MRC2: variants seen among roughly 807,000 people sequenced by gnomAD.
MRC2 encodes the protein mannose receptor C-type 2.
Under a neutral mutation model 206.2 loss-of-function variants are expected in MRC2, and 84 were observed. That is an observed-to-expected ratio of 0.41 (90% CI 0.34 to 0.49). The LOEUF (loss-of-function observed/expected upper bound fraction) is 0.49. MRC2 is among the 20% of genes least tolerant of loss of function. MRC2 has a pLI of 0.31. For missense variants in MRC2, 1,676 were observed against 2,001.5 expected, an observed-to-expected ratio of 0.84 and a Z score of 3.10; for synonymous variants, 798 against 800.0, an observed-to-expected ratio of 1.00 and a Z score of 0.04.
chr17:62,690,490 A>T lies in MRC2; in HGVS notation c.3893-152A>T, dbSNP rs1047943962. 4.5e-6 allele frequency: 6 copies of T among 1,347,324 alleles called. No homozygotes were observed. In the African/African-American group the frequency reaches 8.8e-5, roughly 20 times the overall value. 83.5% of individuals were successfully genotyped at this position (1,347,324 alleles called of 1,614,324 possible). On this transcript the variant is annotated intron_variant, in intron 26 of 29. Transcript: ENST00000303375. ...ATATGTGCATATGCTGCCCCCCCAC[A>T]CACTTGCACATGTGCACACACACAC...
intron 1 of MRC2, among the ~76,000 whole-genome samples, chr17:62,647,731 G>A (rs574422390): frequency 6.6e-6 from 1 of 152,230 alleles, no homozygotes; most frequent in South Asian, 2.1e-4. Context: ...ATGAATTCTG[G>A]GGTGAAAGTT....
In MRC2 at chr17:62,652,395, C is replaced by T. The variant is rs2088566100; in HGVS notation, c.119-12153C>T. 6.6e-6 allele frequency among the ~76,000 whole-genome samples: 1 copy of T among 152,256 alleles called. No homozygotes were observed. Among genetic ancestry groups the T allele is most frequent in the Non-Finnish European group, 1.5e-5 (1 of 68,050 alleles). ...CGGCGATGGGGTCCCCGCGAGGGCA[C>T]AAGTGATCGCGTGGCCACGGCGAGG... On this transcript the variant is annotated intron_variant, in intron 1 of 29. Coordinates refer to ENST00000303375, the MANE Select transcript of MRC2 (RefSeq NM_006039.5). The surrounding 1 kb of genome is among the most constrained non-coding windows in gnomAD (Gnocchi z 4.6).
Position 62,675,808 on chromosome 17 carries a change from C to T in MRC2, c.1588C>T (p.Pro530Ser). The change falls in exon 10 of 30, where the codon CCA becomes TCA. Residue 530 changes from proline (P) to serine (S), a missense_variant. By Grantham distance (74) the Pro-to-Ser change is moderately conservative (BLOSUM62 -1). This residue lies in a region of MRC2 where 1,354 missense variants were observed against 1,636.6 expected (regional missense o/e 0.83). Coordinates refer to ENST00000303375, the MANE Select transcript of MRC2 (RefSeq NM_006039.5). This position sits in a 1 kb window ranked among gnomAD's most constrained non-coding sequence, Gnocchi z 4.1. The stretch of plus-strand genomic sequence containing the variant: ...GAGCCAGGGTTGGACGTGGCACAGC[C>T]CATCCTGCTACTGGCTGGGAGAAGA... ...GCRKGWTWHS[P>S]SCYWLGEDQV... The T allele has an allele frequency of 1.9e-6, 3 of 1,614,170 alleles. No homozygotes were observed. Among genetic ancestry groups the T allele is most frequent in the African/African-American group, 1.3e-5 (1 of 75,058 alleles).
intron 1 of MRC2, among the ~76,000 whole-genome samples, chr17:62,654,435 T>C (rs1308981397): frequency 6.6e-6 from 1 of 151,956 alleles, no homozygotes; most frequent in Admixed American, 6.6e-5. Flanking sequence ...TCAACACATA[T>C]TTGTTGAGAG....
chr17:62,636,556 C>T (rs2088322783), intron 1 of MRC2, among the ~76,000 whole-genome samples: 1 of 150,748 alleles, frequency 6.6e-6, no homozygotes, highest in Non-Finnish European at 1.5e-5. Context: ...GCAAGCTCCA[C>T]CTCCCAGGTT....
chr17:62,633,666 C>G (rs928087230), intron 1 of MRC2, among the ~76,000 whole-genome samples: 2 of 147,496 alleles, frequency 1.4e-5, no homozygotes, highest in African/African-American at 5.0e-5. Context: ...TGACGAAACC[C>G]AGTCACTACA....
rs900888642 is a variant in MRC2, at chr17:62,675,346, G to A, written c.1570-444G>A. On this transcript the variant is annotated intron_variant, in intron 9 of 29. Transcript: ENST00000303375. The surrounding 1 kb of genome is among the most constrained non-coding windows in gnomAD (Gnocchi z 4.1). Reference sequence around the variant, plus strand: ...GCCCCTCCTGCCATCCCCGGGCCAGGAGCATCCTGCGCCGACTCCAGCTTT... The same window carrying A: ...GCCCCTCCTGCCATCCCCGGGCCAGAAGCATCCTGCGCCGACTCCAGCTTT... Among the ~76,000 whole-genome samples, 14 of 152,162 alleles carry A rather than the reference G, an allele frequency of 9.2e-5. No homozygotes were observed. Among genetic ancestry groups the A allele is most frequent in the East Asian group, 5.8e-4 (3 of 5,186 alleles).
In MRC2 at chr17:62,666,096, G is replaced by T. The variant is rs1282076229; in HGVS notation, c.523G>T (p.Val175Phe). Residue 175 changes from valine to phenylalanine, a missense_variant and splice_region_variant, in exon 3 of 30, where the codon GTC (valine) becomes TTC (phenylalanine). Val to Phe is a conservative substitution (Grantham distance 50). This residue lies in a region of MRC2 where 318 missense variants were observed against 346.7 expected (regional missense o/e 0.92). Transcript: ENST00000303375. The surrounding 1 kb of genome is among the most constrained non-coding windows in gnomAD (Gnocchi z 5.0). ...EDLCALPYHE[V>F]YTIQGNSHGK... ...TGGCCCCTGTCCACCCCCTGCAGAG[G>T]TCTACACCATCCAGGGAAACTCCCA... The T allele has an allele frequency of 1.9e-6, 3 of 1,586,768 alleles. No individual in the cohort carries two copies. Among genetic ancestry groups the T allele is most frequent in the African/African-American group, 2.7e-5 (2 of 74,210 alleles).
Position 62,667,162 on chromosome 17 carries a change from G to A in MRC2, c.974-228G>A, listed in dbSNP as rs563434994. ...GCAGCCTGGACGGGGAGGCCGGGGC[G>A]GGGCTGGTACTGGTTACTGGGTAGA... On this transcript the variant is annotated intron_variant, in intron 5 of 29. Transcript: ENST00000303375. This position sits in a 1 kb window ranked among gnomAD's most constrained non-coding sequence, Gnocchi z 4.1. Among the ~76,000 whole-genome samples the A allele has an allele frequency of 3.7e-4, 56 of 152,312 alleles. No homozygotes were observed. Among genetic ancestry groups the A allele is most frequent in the African/African-American group, 1.2e-3 (49 of 41,564 alleles).
intron 1 of MRC2, among the ~76,000 whole-genome samples, chr17:62,639,369 G>T (rs2088370175): frequency 6.6e-6 from 1 of 152,090 alleles, no homozygotes; most frequent in Non-Finnish European, 1.5e-5. Context: ...CAAACAAAGT[G>T]CAAGGATCAC....
chr17:62,673,888 C>A (rs536025110), intron 8 of MRC2, among the ~76,000 whole-genome samples, 175 bp from the exon 9 acceptor site: 5 of 152,344 alleles, frequency 3.3e-5, no homozygotes, highest in African/African-American at 1.2e-4. Context: ...CTCATCCACC[C>A]TGTGAGGCTT....
Position 62,671,635 on chromosome 17 carries a change from A to G in MRC2, c.1118-14A>G, listed in dbSNP as rs193117332. The G allele has an allele frequency of 6.4e-7, 1 of 1,552,552 alleles. No homozygotes were observed. The highest frequency in any genetic ancestry group is 1.7e-4 in the Middle Eastern group (1 of 5,734). ...GGCTCAGTCCCTGAGCAGCAGCCTC[A>G]TGGGTCTCTGCAGACAGGTGGGCCA... On this transcript the variant is annotated splice_polypyrimidine_tract_variant and intron_variant, in intron 6 of 29. Coordinates refer to ENST00000303375, the MANE Select transcript of MRC2 (RefSeq NM_006039.5). This position sits in a 1 kb window ranked among gnomAD's most constrained non-coding sequence, Gnocchi z 4.5.
chr17:62,634,372 C>T (rs903805988), intron 1 of MRC2, among the ~76,000 whole-genome samples: 2 of 151,962 alleles, frequency 1.3e-5, no homozygotes, highest in Non-Finnish European at 2.9e-5. Flanking sequence ...GTGGTCTTGG[C>T]TCACTGCAAC....
intron 26 of MRC2, 77 bp downstream of exon 26, chr17:62,690,382 A>G (rs1407776618): frequency 2.7e-6 from 4 of 1,508,974 alleles, no homozygotes; most frequent in Non-Finnish European, 2.7e-6. Context: ...CCATGAGTAC[A>G]TCCCCACACT....
At chr17:62,647,326 G>C (rs1176185367) in intron 1 of MRC2, among the ~76,000 whole-genome samples, 4 of 151,726 alleles carry the variant, frequency 2.6e-5, no homozygotes, top group Admixed American at 2.6e-4. Flanking sequence ...TGGGATTACA[G>C]GTGCATGCCA....
chr17:62,672,991 C>CA lies in MRC2; in HGVS notation c.1461+852dup, dbSNP rs10640837. Among the ~76,000 whole-genome samples the CA allele has an allele frequency of 0.54, 76,661 of 143,200 alleles. 20,669 individuals carry two copies. The highest frequency in any genetic ancestry group is 0.62 in the Middle Eastern group (175 of 282). 93.9% of individuals were successfully genotyped at this position (143,200 alleles called of 152,430 possible). A position where few individuals can be genotyped will look rare whatever the true frequency, so the allele number is the denominator to read the frequency against. On this transcript the variant is annotated intron_variant, in intron 8 of 29. Coordinates refer to ENST00000303375, the MANE Select transcript of MRC2 (RefSeq NM_006039.5). The surrounding 1 kb of genome is among the most constrained non-coding windows in gnomAD (Gnocchi z 4.5). ...TGGGTGACAGAGCAAGACCCTGTCT[C>CA]AAAAAAAAAAAAATAAAATAAAAAG...
chr17:62,681,757 C>T, intron 18 of MRC2, 80 bp from the exon 19 acceptor site: 1 of 1,124,178 alleles, frequency 8.9e-7, no homozygotes, highest in South Asian at 1.3e-5. Flanking sequence ...GCCCCCATTC[C>T]TGCGGCCTTC....
intron 1 of MRC2, among the ~76,000 whole-genome samples, chr17:62,641,596 C>G (rs2088404874): frequency 1.3e-5 from 2 of 152,124 alleles, no homozygotes; most frequent in Non-Finnish European, 2.9e-5. Flanking sequence ...CTTGGAAGCA[C>G]TGTTTATAGT....
rs753217998 is a variant in MRC2 at position 62,667,517 on chromosome 17, C to T, written c.1101C>T (p.Ala367=). ...GCAAGAAGAAGCCCAACGCCACGGC[C>T]GAGCCCACCCCTCCAGGTGAGCCAG... The part of the protein sequence containing the change: ...YVCKKKPNAT[A]EPTPPDRWAN... The change falls in exon 6 of 30, where the codon GCC becomes GCT. Residue 367 remains alanine (A), a synonymous_variant. Transcript: ENST00000303375. The surrounding 1 kb of genome is among the most constrained non-coding windows in gnomAD (Gnocchi z 4.1). The T allele has an allele frequency of 2.5e-6, 4 of 1,610,516 alleles. No homozygotes were observed. The South Asian group carries it at 4.4e-5, about 18-fold the overall frequency.
Sources: gnomAD v4.1 joint callset for allele counts (sites outside exome capture counted in the v4.1 genomes callset) on GRCh38, gnomAD v4.1.1 for gene constraint, gnomAD v4.1.1 regional missense constraint, Gnocchi (gnomAD v3.1) non-coding constraint, MANE v1.5 for transcripts, NCBI Gene and HGNC (gene_info 2026-07-23, HGNC 2026-07-21) for gene names.